MARCHF5: variants seen among roughly 807,000 people sequenced by gnomAD.
MARCHF5 encodes the protein membrane associated ring-CH-type finger 5.
MARCHF5 carries 5 observed loss-of-function variants against 36.5 expected under a neutral mutation model. That is an observed-to-expected ratio of 0.14 (90% CI 0.07 to 0.29). MARCHF5 has a LOEUF of 0.29. Among genes scored for constraint, MARCHF5 ranks in the 10% least tolerant of loss-of-function variants. The pLI is 1.00. For synonymous variants in MARCHF5, 103 were observed against 109.9 expected (o/e 0.94, Z 0.39); for missense variants, 179 against 336.3 (o/e 0.53, Z 3.66).
chr10:92,303,074 T>G (rs1843034414), intron 1 of MARCHF5, among the ~76,000 whole-genome samples: 1 of 152,248 alleles, frequency 6.6e-6, no homozygotes, highest in African/African-American at 2.4e-5. Context: ...CCAGCTGTTT[T>G]TTAAGTTACT....
chr10:92,322,477 TCA>T (rs1053219013), intron 2 of MARCHF5, among the ~76,000 whole-genome samples: 21 of 147,760 alleles, frequency 1.4e-4, no homozygotes, highest in Non-Finnish European at 2.5e-4. Context: ...CCTCACTCTG[TCA>T]AACATGCTGG....
At chr10:92,336,938 C>T (rs1843509448) in intron 2 of MARCHF5, among the ~76,000 whole-genome samples, 1 of 151,916 alleles carries the variant, frequency 6.6e-6, no homozygotes, top group Admixed American at 6.6e-5. Flanking sequence ...GCCTAGGCAA[C>T]GTGGCAAAAC....
chr10:92,315,859 T>G (rs1331860763), intron 2 of MARCHF5, among the ~76,000 whole-genome samples: 1 of 152,222 alleles, frequency 6.6e-6, no homozygotes, highest in East Asian at 1.9e-4. Context: ...ATTATGATAG[T>G]GTTTTCTTAA....
intron 2 of MARCHF5, chr10:92,333,647 G>C: frequency 1.0e-6 from 1 of 985,186 alleles, no homozygotes; most frequent in Non-Finnish European, 1.2e-6. Flanking sequence ...TTGTGGGGTA[G>C]TATGTAAAGG....
intron 2 of MARCHF5, among the ~76,000 whole-genome samples, chr10:92,323,921 A>C (rs968416745): frequency 6.6e-6 from 1 of 152,226 alleles, no homozygotes; most frequent in African/African-American, 2.4e-5. Flanking sequence ...AATACCAAGG[A>C]GCATGATTGC....
chr10:92,329,050 T>G (rs1843406511), intron 2 of MARCHF5, among the ~76,000 whole-genome samples: 1 of 152,190 alleles, frequency 6.6e-6, no homozygotes. Context: ...TTTCATTAAG[T>G]AATACAAAAC....
At chr10:92,297,273 C>T (rs987374827) in intron 1 of MARCHF5, among the ~76,000 whole-genome samples, 4 of 150,704 alleles carry the variant, frequency 2.7e-5, no homozygotes, top group Non-Finnish European at 5.9e-5. Flanking sequence ...CTCAAGTGAT[C>T]CTCCCACCTC....
At chr10:92,303,312 T>G (rs983787911) in intron 1 of MARCHF5, among the ~76,000 whole-genome samples, 1 of 152,240 alleles carries the variant, frequency 6.6e-6, no homozygotes, top group African/African-American at 2.4e-5. Context: ...TCCAACCACA[T>G]TGGTCTATGA....
intron 3 of MARCHF5, among the ~76,000 whole-genome samples, chr10:92,343,029 C>T (rs1017371194): frequency 6.6e-6 from 1 of 152,134 alleles, no homozygotes; most frequent in Non-Finnish European, 1.5e-5. Context: ...AACAGTGAAA[C>T]ATATCTGACA....
intron 2 of MARCHF5, among the ~76,000 whole-genome samples, chr10:92,326,295 T>A (rs573156157): frequency 1.3e-5 from 2 of 152,348 alleles, no homozygotes; most frequent in East Asian, 3.9e-4. Context: ...TGTCGATCAC[T>A]TTGCCTATAT....
intron 2 of MARCHF5, among the ~76,000 whole-genome samples, chr10:92,324,108 T>G (rs1249770549): frequency 6.6e-6 from 1 of 152,260 alleles, no homozygotes; most frequent in East Asian, 1.9e-4. Flanking sequence ...TAGAGGTATC[T>G]CATTTTAATT....
intron 2 of MARCHF5, among the ~76,000 whole-genome samples, chr10:92,331,889 G>GTTTT (rs369904832): frequency 3.2e-5 from 1 of 31,540 alleles, no homozygotes; most frequent in African/African-American, 8.7e-5. Context: ...TCATATATAT[G>GTTTT]TATATATAAT....
At chr10:92,346,923 A>G (rs914289471) in intron 3 of MARCHF5, among the ~76,000 whole-genome samples, 3 of 152,194 alleles carry the variant, frequency 2.0e-5, no homozygotes, top group Admixed American at 6.5e-5. Context: ...CAAAAAAAGG[A>G]CACATAACCC....
intron 1 of MARCHF5, among the ~76,000 whole-genome samples, chr10:92,293,992 C>A (rs561453581): frequency 2.7e-4 from 41 of 152,278 alleles, no homozygotes; most frequent in African/African-American, 9.6e-4. Context: ...CAACCTACTT[C>A]CATGTTAGAA....
In MARCHF5 at chr10:92,352,209, G is replaced by A. The variant is rs1366995237; in HGVS notation, c.*1002G>A. ...GGTCCAAGCTCTTACAGAGTTGACAGTCTAGTTTCAGCACATAGAAAACCA... is the reference window on the plus strand; with the variant it reads ...GGTCCAAGCTCTTACAGAGTTGACAATCTAGTTTCAGCACATAGAAAACCA... On this transcript the variant is annotated 3_prime_UTR_variant, in exon 6 of 6. Transcript: ENST00000358935. 2 of 152,618 alleles carry A rather than the reference G, an allele frequency of 1.3e-5. No homozygotes were observed. The highest frequency in any genetic ancestry group is 2.4e-5 in the African/African-American group (1 of 41,456). The allele number at this position is 152,618 out of a possible 1,614,324, so 9.5% of individuals were successfully genotyped here.
intron 2 of MARCHF5, among the ~76,000 whole-genome samples, chr10:92,328,801 T>TTATA (rs748902839): frequency 2.0e-4 from 27 of 137,262 alleles, no homozygotes; most frequent in African/African-American, 6.0e-4. Flanking sequence ...AGTGAGGTTA[T>TTATA]TATATATATA....
chr10:92,329,307 A>G (rs1413005949), intron 2 of MARCHF5, among the ~76,000 whole-genome samples: 1 of 152,226 alleles, frequency 6.6e-6, no homozygotes, highest in Non-Finnish European at 1.5e-5. Flanking sequence ...GTCTGTTAAG[A>G]AAAGATAACT....
intron 1 of MARCHF5, among the ~76,000 whole-genome samples, chr10:92,307,744 G>T (rs918495880): frequency 6.6e-6 from 1 of 151,678 alleles, no homozygotes. Context: ...GCATGGTGGC[G>T]GGCACCCTGT....
chr10:92,336,313 A>G (rs1186516465), intron 2 of MARCHF5, among the ~76,000 whole-genome samples: 2 of 152,250 alleles, frequency 1.3e-5, no homozygotes, highest in Non-Finnish European at 1.5e-5. Flanking sequence ...CTGGGATTAC[A>G]GGTGGGAGCC....
Sources: allele counts gnomAD v4.1 joint callset (sites outside exome capture counted in the v4.1 genomes callset), GRCh38; gene constraint gnomAD v4.1.1; transcripts MANE v1.5; gene names NCBI Gene and HGNC (gene_info 2026-07-23, HGNC 2026-07-21).